The following REST variants were observed in gnomAD, a reference collection of about 807,000 sequenced individuals.
The protein encoded by REST is RE1 silencing transcription factor, also known as RE1-silencing transcription factor.
In REST, 1 loss-of-function variant was observed where a neutral mutation model predicts 30.4. The ratio of observed to expected loss-of-function variants is 0.03; its 90% CI spans 0.01 to 0.16. The LOEUF (loss-of-function observed/expected upper bound fraction) is 0.16. Among genes scored for constraint, REST ranks in the 10% least tolerant of loss-of-function variants. REST has a pLI of 1.00. For synonymous variants in REST, 504 were observed against 451.1 expected, an observed-to-expected ratio of 1.12 and a Z score of -1.49; for missense variants, 1,259 against 1,329.5, an observed-to-expected ratio of 0.95 and a Z score of 0.82.
In REST at chr4:56,933,715, A is replaced by G. The variant is rs1257824873; in HGVS notation, c.*1563A>G. The G allele has an allele frequency of 1.3e-5, 2 of 152,236 alleles. No homozygotes were observed. Among genetic ancestry groups the G allele is most frequent in the African/African-American group, 4.8e-5 (2 of 41,462 alleles). The allele number at this position is 152,236 out of a possible 1,614,324, so 9.4% of individuals were successfully genotyped here. ...TTTGTAGGTTCTTTGGCCAGTTGCC[A>G]AAGAGTGTGAAAGAATCCAATAGAG... On this transcript the variant is annotated 3_prime_UTR_variant, in exon 4 of 4. Transcript: ENST00000309042.
At chr4:56,915,342 C>T (rs986967269) in intron 2 of REST, among the ~76,000 whole-genome samples, 4 of 141,508 alleles carry the variant, frequency 2.8e-5, no homozygotes, top group Non-Finnish European at 4.5e-5. Context: ...GCCTCCAGGG[C>T]TTAAGTGATT....
intron 3 of REST, among the ~76,000 whole-genome samples, chr4:56,927,971 A>G (rs778066980): frequency 2.6e-5 from 4 of 152,252 alleles, no homozygotes; most frequent in Non-Finnish European, 5.9e-5. Context: ...ATTTCAAGAA[A>G]AAGCCTTTGC....
rs370871325 is a variant in REST at position 56,911,391 on chromosome 4, C to A, written c.753C>A (p.Ile251=). The change falls in exon 2 of 4, where the codon ATC becomes ATA. Residue 251 remains isoleucine (I), a synonymous_variant. Transcript: ENST00000309042. ...ATAATGAGCGAGTCTACAAGTGTAT[C>A]ATTTGCACATACACAACAGTGAGCG... The part of the protein sequence containing the change: ...AGDNERVYKC[I]ICTYTTVSEY... 4 of 1,614,062 alleles carry A rather than the reference C, an allele frequency of 2.5e-6. No homozygotes were observed. The highest frequency in any genetic ancestry group is 3.4e-6 in the Non-Finnish European group (4 of 1,180,048).
intron 3 of REST, among the ~76,000 whole-genome samples, chr4:56,926,799 T>C (rs954533638): frequency 6.6e-6 from 1 of 151,880 alleles, no homozygotes; most frequent in Admixed American, 6.6e-5. Context: ...AGAGAGTATT[T>C]TATAGATGAA....
At chr4:56,923,308 C>T (rs1484961826) in intron 3 of REST, among the ~76,000 whole-genome samples, 3 of 152,200 alleles carry the variant, frequency 2.0e-5, no homozygotes, top group Non-Finnish European at 2.9e-5. Context: ...GACTCTGCTG[C>T]GCAGGCTGGA....
At chr4:56,925,542 T>C (rs539870699) in intron 3 of REST, among the ~76,000 whole-genome samples, 20 of 152,296 alleles carry the variant, frequency 1.3e-4, no homozygotes, top group African/African-American at 4.8e-4. Context: ...TTGATACGTA[T>C]GTGTAAAGCT....
At chr4:56,920,489 T>C (rs941222026) in intron 3 of REST, among the ~76,000 whole-genome samples, 15 of 151,954 alleles carry the variant, frequency 9.9e-5, no homozygotes, top group Non-Finnish European at 2.1e-4. Context: ...TTGGCCAGCA[T>C]GGTGGCTCAC....
chr4:56,918,967 A>G (rs554052326), intron 2 of REST, among the ~76,000 whole-genome samples: 1 of 148,252 alleles, frequency 6.7e-6, no homozygotes, highest in East Asian at 2.0e-4. Flanking sequence ...CACAATCCCC[A>G]TGCTCAGCCC....
At chr4:56,927,166 A>G (rs1458571790) in intron 3 of REST, among the ~76,000 whole-genome samples, 5 of 152,024 alleles carry the variant, frequency 3.3e-5, no homozygotes, top group African/African-American at 1.2e-4. Flanking sequence ...TCTCAGAGTG[A>G]GCAACTTGCA....
At chr4:56,925,427 G>T (rs1416819936) in intron 3 of REST, among the ~76,000 whole-genome samples, 2 of 152,000 alleles carry the variant, frequency 1.3e-5, no homozygotes, top group African/African-American at 4.8e-5. Flanking sequence ...GCCCAGACTG[G>T]TCTCAACCTC....
chr4:56,915,149 C>T (rs2109534779), intron 2 of REST, among the ~76,000 whole-genome samples: 1 of 151,398 alleles, frequency 6.6e-6, no homozygotes, highest in African/African-American at 2.4e-5. Flanking sequence ...TCTCGAACTC[C>T]CGGCCTCAAG....
Position 56,930,224 on chromosome 4 carries a change from G to T in REST, c.1366G>T (p.Asp456Tyr). Residue 456 changes from aspartate to tyrosine, a missense_variant, in exon 4 of 4, where the codon GAT (aspartate) becomes TAT (tyrosine). This residue lies in a region of REST where 856 missense variants were observed against 772.8 expected (regional missense o/e 1.11). Transcript: ENST00000309042. ...TEIEQTKIKG[D>Y]VAGKKNEKSV... ...AATAGAACAAACAAAAATAAAAGGGGATGTGGCTGGAAAGAAAAATGAAAA... is the reference window on the plus strand; with the variant it reads ...AATAGAACAAACAAAAATAAAAGGGTATGTGGCTGGAAAGAAAAATGAAAA... The T allele has an allele frequency of 6.2e-7, 1 of 1,607,420 alleles. No homozygotes were observed. The highest frequency in any genetic ancestry group is 8.5e-7 in the Non-Finnish European group (1 of 1,178,658).
At chr4:56,910,552 A>T in intron 1 of REST, 78 bp from the exon 2 acceptor site, 1 of 1,249,798 alleles carries the variant, frequency 8.0e-7, no homozygotes, top group Non-Finnish European at 1.1e-6. Context: ...AGTTATGAAG[A>T]ATTACAGCGA....
At chr4:56,922,162 GT>G (rs972390234) in intron 3 of REST, among the ~76,000 whole-genome samples, 9 of 151,792 alleles carry the variant, frequency 5.9e-5, no homozygotes, top group African/African-American at 2.2e-4. Flanking sequence ...ATTTTTGGGT[GT>G]TTTTTGGTTT....
Position 56,933,072 on chromosome 4 carries a change from A to C in REST, c.*920A>C, listed in dbSNP as rs1181039163. 1 of 152,212 alleles carries C rather than the reference A, an allele frequency of 6.6e-6. No homozygotes were observed. The highest frequency in any genetic ancestry group is 1.5e-5 in the Non-Finnish European group (1 of 68,042). 9.4% of individuals were successfully genotyped at this position (152,212 alleles called of 1,614,324 possible). A position where few individuals can be genotyped will look rare whatever the true frequency, so the allele number is the denominator to read the frequency against. On this transcript the variant is annotated 3_prime_UTR_variant, in exon 4 of 4. Transcript: ENST00000309042. The stretch of plus-strand genomic sequence containing the variant: ...TTTTTACATCTTATATCTATGCCAG[A>C]ATCTGTATTTCATATAACTTATTTA...
chr4:56,922,724 A>AC (rs1308900913), intron 3 of REST, among the ~76,000 whole-genome samples: 1 of 152,044 alleles, frequency 6.6e-6, no homozygotes, highest in African/African-American at 2.4e-5. Flanking sequence ...AAAAAATACG[A>AC]CCTTTTTTCC....
In REST at chr4:56,912,601, G is replaced by C. The variant is rs562123872; in HGVS notation, c.898+1065G>C. On this transcript the variant is annotated intron_variant, in intron 2 of 3. Coordinates refer to ENST00000309042, the MANE Select transcript of REST (RefSeq NM_005612.5). ...ATGGTCTTGGCTCACTGCAACCTCT[G>C]TCTCCCAGGTTCAAGCAGTTCTCCT... Among the ~76,000 whole-genome samples, 34 of 151,972 alleles carry C rather than the reference G, an allele frequency of 2.2e-4. No homozygotes were observed. In the South Asian group the frequency reaches 4.6e-3, roughly 20 times the overall value.
chr4:56,913,254 G>A (rs763060155), intron 2 of REST, among the ~76,000 whole-genome samples: 19 of 152,076 alleles, frequency 1.2e-4, no homozygotes, highest in Non-Finnish European at 2.2e-4. Flanking sequence ...CTACCTCCTG[G>A]GTTCAGGCAG....
intron 3 of REST, among the ~76,000 whole-genome samples, chr4:56,922,150 T>C (rs1346292845): frequency 6.6e-6 from 1 of 152,100 alleles, no homozygotes; most frequent in African/African-American, 2.4e-5. Context: ...CCTGGTTTTA[T>C]TATTTTTGGG....
Sources: allele counts gnomAD v4.1 joint callset (sites outside exome capture counted in the v4.1 genomes callset), GRCh38; gene constraint gnomAD v4.1.1; regional missense constraint gnomAD v4.1.1; transcripts MANE v1.5; gene names NCBI Gene and HGNC (gene_info 2026-07-23, HGNC 2026-07-21).